FOXP1: variants seen among roughly 807,000 people sequenced by gnomAD.
FOXP1 encodes forkhead box P1.
Under a neutral mutation model 98.2 loss-of-function variants are expected in FOXP1, and 15 were observed. The ratio of observed to expected loss-of-function variants is 0.15; its 90% CI spans 0.10 to 0.24. The LOEUF is 0.24. Among genes scored for constraint, FOXP1 ranks in the 10% least tolerant of loss-of-function variants. The probability of loss-of-function intolerance (pLI) is 1.00; values close to 1 mark genes in which losing one functional copy is unlikely to be tolerated. For synonymous variants in FOXP1, 371 were observed against 314.5 expected (o/e 1.18, Z -1.90); for missense variants, 633 against 848.5 (o/e 0.75, Z 3.15).
At chr3:71,341,364 A>C (rs563696500) in intron 4 of FOXP1, among the ~76,000 whole-genome samples, 23 of 152,360 alleles carry the variant, frequency 1.5e-4, no homozygotes, top group Non-Finnish European at 2.8e-4. Flanking sequence ...CAACGAATTA[A>C]AGGAGATTAG....
At chr3:71,150,259 A>AATGC in intron 6 of FOXP1, among the ~76,000 whole-genome samples, 1 of 152,364 alleles carries the variant, frequency 6.6e-6, no homozygotes. Flanking sequence ...TGGCAGTGGC[A>AATGC]ATGCATGCAT....
chr3:71,006,822 T>C (rs756224805), intron 12 of FOXP1, among the ~76,000 whole-genome samples: 4 of 152,138 alleles, frequency 2.6e-5, no homozygotes, highest in African/African-American at 4.8e-5. Context: ...TTCAAAAAAT[T>C]TTCCAATGTT....
intron 6 of FOXP1, among the ~76,000 whole-genome samples, chr3:71,169,302 G>A (rs1389761473): frequency 1.3e-5 from 2 of 152,090 alleles, no homozygotes; most frequent in Non-Finnish European, 2.9e-5. Context: ...GTTAACATTT[G>A]CCCCCGAGCG....
intron 3 of FOXP1, among the ~76,000 whole-genome samples, chr3:71,386,364 G>C (rs992360232): frequency 6.6e-6 from 1 of 152,120 alleles, no homozygotes; most frequent in African/African-American, 2.4e-5. Context: ...TTGAAATCTT[G>C]GCTCCATCTG....
In FOXP1 at chr3:70,959,190, G is replaced by GTT. The variant is rs112773801; in HGVS notation, c.*55_*56dup. 4,498 of 1,290,732 alleles carry GTT rather than the reference G, an allele frequency of 3.5e-3. 4 individuals carry two copies. Among genetic ancestry groups the GTT allele is most frequent in the East Asian group, 0.022 (896 of 40,190 alleles). The allele number at this position is 1,290,732 out of a possible 1,614,324, so 80.0% of individuals were successfully genotyped here. ...CAATTTCACTGCTAACTTTTGACGTGTTTTTTTTTTTTTCCTTTTTCCAAT... is the reference window on the plus strand; with the variant it reads ...CAATTTCACTGCTAACTTTTGACGTGTTTTTTTTTTTTTTTCCTTTTTCCAAT... On this transcript the variant is annotated 3_prime_UTR_variant, in exon 21 of 21. Transcript: ENST00000649528.
intron 5 of FOXP1, among the ~76,000 whole-genome samples, chr3:71,261,127 G>T (rs1370878241): frequency 6.6e-6 from 1 of 152,136 alleles, no homozygotes; most frequent in Non-Finnish European, 1.5e-5. Flanking sequence ...AGAATGTAGG[G>T]TATTACACAA....
At chr3:71,321,121 C>CAAA (rs11293559) in intron 4 of FOXP1, among the ~76,000 whole-genome samples, 3 of 121,990 alleles carry the variant, frequency 2.5e-5, no homozygotes, top group Admixed American at 8.8e-5. Context: ...TAGACTGTAC[C>CAAA]AAAAAAAAAA....
chr3:71,033,286 T>C (rs532855096), intron 11 of FOXP1, among the ~76,000 whole-genome samples: 4 of 152,166 alleles, frequency 2.6e-5, no homozygotes, highest in African/African-American at 9.6e-5. Flanking sequence ...GGTCCAAAGA[T>C]GGTTTTGGGT....
intron 4 of FOXP1, chr3:71,332,407 G>A (rs1013339588): frequency 5.9e-6 from 1 of 170,596 alleles, no homozygotes; most frequent in Non-Finnish European, 1.2e-5. Context: ...TTGAAGAACT[G>A]TAACACTCAC....
chr3:71,100,271 T>C (rs1342728785), intron 7 of FOXP1, among the ~76,000 whole-genome samples: 1 of 152,230 alleles, frequency 6.6e-6, no homozygotes, highest in African/African-American at 2.4e-5. Flanking sequence ...CAACAAAACC[T>C]CTTCGGTGTG....
At chr3:71,296,119 G>T (rs2073261220) in intron 5 of FOXP1, 1 of 152,134 alleles carries the variant, frequency 6.6e-6, no homozygotes, top group African/African-American at 2.4e-5. Context: ...GGCTTCATTT[G>T]GTTTTCTGAA....
intron 3 of FOXP1, among the ~76,000 whole-genome samples, chr3:71,490,060 A>G (rs2090953265): frequency 2.0e-5 from 3 of 152,228 alleles, no homozygotes; most frequent in Non-Finnish European, 2.9e-5. Context: ...AATAAACTGT[A>G]AAGTTCTAAA....
rs554262665 is a variant in FOXP1, at chr3:71,406,958, GGAAA to G, written c.-167-47718_-167-47715del. Among the ~76,000 whole-genome samples, 212 of 152,088 alleles carry G rather than the reference GGAAA, an allele frequency of 1.4e-3. 1 individual carries two copies. Among genetic ancestry groups the G allele is most frequent in the African/African-American group, 4.6e-3 (190 of 41,464 alleles). On this transcript the variant is annotated intron_variant, in intron 3 of 20. Coordinates refer to ENST00000649528, the MANE Select transcript of FOXP1 (RefSeq NM_001349338.3). ...AGGGGCTCAACAGATGCTTATGGAG[GGAAA>G]GAAAGAAAGGATCTTGCATTTCTCC...
At chr3:71,128,700 C>T (rs182858834) in intron 6 of FOXP1, among the ~76,000 whole-genome samples, 1 of 152,160 alleles carries the variant, frequency 6.6e-6, no homozygotes, top group East Asian at 1.9e-4. Flanking sequence ...CACACATACA[C>T]CACACAGTCG....
At chr3:71,040,714 A>G (rs1411244943) in intron 11 of FOXP1, among the ~76,000 whole-genome samples, 1 of 152,156 alleles carries the variant, frequency 6.6e-6, no homozygotes, top group East Asian at 1.9e-4. Flanking sequence ...ATATCCCACA[A>G]TGAAGAGAAA....
intron 20 of FOXP1, among the ~76,000 whole-genome samples, chr3:70,963,707 T>G (rs1387049276): frequency 6.6e-6 from 1 of 152,172 alleles, no homozygotes; most frequent in South Asian, 2.1e-4. Flanking sequence ...AGGCATTGTG[T>G]TCTGGGGGTG....
chr3:71,425,318 A>C (rs2084054131), intron 3 of FOXP1, among the ~76,000 whole-genome samples: 1 of 151,998 alleles, frequency 6.6e-6, no homozygotes, highest in African/African-American at 2.4e-5. Context: ...TAGAGACAGG[A>C]TTTTACTATG....
rs117564537 is a variant in FOXP1 at position 71,069,078 on chromosome 3, A to G, written c.283-15305T>C. On this transcript the variant is annotated intron_variant, in intron 7 of 20. Coordinates refer to ENST00000649528, the MANE Select transcript of FOXP1 (RefSeq NM_001349338.3). Reference sequence around the variant, plus strand: ...TATTGTTTATGTCACTGTTATGCATATGTTGACAATGAAGCTAATTATGTT... The same window carrying G: ...TATTGTTTATGTCACTGTTATGCATGTGTTGACAATGAAGCTAATTATGTT... Among the ~76,000 whole-genome samples, 167 of 152,366 alleles carry G rather than the reference A, an allele frequency of 1.1e-3. 2 individuals are homozygous for G. The East Asian group carries it at 0.03, about 28-fold the overall frequency.
chr3:71,371,473 C>A (rs1047353703), intron 3 of FOXP1, among the ~76,000 whole-genome samples: 1 of 152,216 alleles, frequency 6.6e-6, no homozygotes, highest in Non-Finnish European at 1.5e-5. Context: ...CTGCCTCCAA[C>A]TGCTTCGCAT....
Sources: allele counts gnomAD v4.1 joint callset (sites outside exome capture counted in the v4.1 genomes callset), GRCh38; gene constraint gnomAD v4.1.1; transcripts MANE v1.5; gene names NCBI Gene and HGNC (gene_info 2026-07-23, HGNC 2026-07-21).